The following MTHFD2L variants were observed in gnomAD, a reference collection of about 807,000 sequenced individuals.
MTHFD2L encodes the protein methylenetetrahydrofolate dehydrogenase (NADP+ dependent) 2 like.
A neutral mutation model predicts 34.9 loss-of-function variants in MTHFD2L; 29 were observed. The observed-to-expected ratio is 0.83, with a 90% CI of 0.62 to 1.13. The LOEUF is 1.13. Ranked by LOEUF, MTHFD2L falls within the 50% of genes most tolerant of loss-of-function variation. The pLI is 0.00. For synonymous variants in MTHFD2L, 167 were observed against 155.7 expected (o/e 1.07, Z -0.54); for missense variants, 481 against 446.5 (o/e 1.08, Z -0.70).
chr4:74,216,982 A>G (rs1171271873), intron 5 of MTHFD2L, among the ~76,000 whole-genome samples: 1 of 151,740 alleles, frequency 6.6e-6, no homozygotes, highest in Non-Finnish European at 1.5e-5. Flanking sequence ...ACAACATGAC[A>G]CCAGAATAAC....
At chr4:74,197,948 G>C (rs1245746273) in intron 3 of MTHFD2L, among the ~76,000 whole-genome samples, 1 of 152,078 alleles carries the variant, frequency 6.6e-6, no homozygotes, top group Non-Finnish European at 1.5e-5. Flanking sequence ...AATGATAAAT[G>C]AATTGGTTTT....
chr4:74,294,691 A>G (rs1480950077), intron 7 of MTHFD2L, among the ~76,000 whole-genome samples: 1 of 152,034 alleles, frequency 6.6e-6, no homozygotes, highest in Non-Finnish European at 1.5e-5. Flanking sequence ...CATCACCTCA[A>G]ATTTTAAATA....
intron 1 of MTHFD2L, among the ~76,000 whole-genome samples, chr4:74,137,167 G>A (rs1207068729): frequency 6.6e-6 from 1 of 152,092 alleles, no homozygotes; most frequent in African/African-American, 2.4e-5. Flanking sequence ...ACAATCAACA[G>A]AGTGAAGAAA....
chr4:74,121,333 T>C (rs1473022413), upstream of MTHFD2L, among the ~76,000 whole-genome samples: 1 of 151,972 alleles, frequency 6.6e-6, no homozygotes, highest in Non-Finnish European at 1.5e-5. Flanking sequence ...CATTCTGGAT[T>C]AAAGTCAAGG....
intron 3 of MTHFD2L, among the ~76,000 whole-genome samples, chr4:74,189,439 A>G (rs1213332319): frequency 6.7e-6 from 1 of 149,402 alleles, no homozygotes; most frequent in African/African-American, 2.5e-5. Context: ...CATGTAAAGT[A>G]TGTTAACCAC....
intron 1 of MTHFD2L, among the ~76,000 whole-genome samples, chr4:74,158,906 G>A (rs507061): frequency 0.96 from 146,365 of 152,250 alleles, 70,610 homozygotes; most frequent in East Asian, 1. Context: ...TCTATCTTAT[G>A]CTTTACCAGT....
chr4:74,236,305 CAAAT>C (rs1275193579), intron 6 of MTHFD2L, among the ~76,000 whole-genome samples: 2 of 152,270 alleles, frequency 1.3e-5, no homozygotes, highest in East Asian at 3.9e-4. Flanking sequence ...TTCTAAAACA[CAAAT>C]AAATTGTTTT....
intron 1 of MTHFD2L, among the ~76,000 whole-genome samples, chr4:74,151,783 T>G (rs911809453): frequency 6.6e-6 from 1 of 152,212 alleles, no homozygotes; most frequent in African/African-American, 2.4e-5. Flanking sequence ...AGCATCTTGG[T>G]CTTTCTATTA....
intron 1 of MTHFD2L, among the ~76,000 whole-genome samples, chr4:74,127,131 A>G (rs1425627156): frequency 6.6e-6 from 1 of 152,154 alleles, no homozygotes; most frequent in Non-Finnish European, 1.5e-5. Flanking sequence ...CTGTGAGTCA[A>G]TTATGCCTCT....
intron 6 of MTHFD2L, among the ~76,000 whole-genome samples, chr4:74,245,299 A>T (rs569714448): frequency 3.4e-3 from 515 of 151,046 alleles, no homozygotes; most frequent in Non-Finnish European, 5.5e-3. Flanking sequence ...CTTATTTTTT[A>T]AAAATTTTGG....
intron 3 of MTHFD2L, among the ~76,000 whole-genome samples, chr4:74,177,048 A>T (rs547284548): frequency 6.6e-6 from 1 of 152,100 alleles, no homozygotes; most frequent in South Asian, 2.1e-4. Context: ...TCATCAAGTT[A>T]ATAAGAATCT....
intron 6 of MTHFD2L, chr4:74,267,976 G>T: frequency 1.0e-6 from 1 of 985,198 alleles, no homozygotes; most frequent in South Asian, 4.7e-5. Context: ...AAGCTTTGGG[G>T]GCATTCAGAT....
At chr4:74,247,044 C>G (rs1451944913) in intron 6 of MTHFD2L, among the ~76,000 whole-genome samples, 2 of 148,060 alleles carry the variant, frequency 1.4e-5, no homozygotes, top group African/African-American at 5.0e-5. Context: ...ATGGGGATGG[C>G]ATTGAATCTA....
intron 5 of MTHFD2L, among the ~76,000 whole-genome samples, chr4:74,224,411 G>A (rs1441264521): frequency 6.6e-6 from 1 of 152,046 alleles, no homozygotes; most frequent in African/African-American, 2.4e-5. Context: ...TGTTTTTGGA[G>A]TCTGTAGAAA....
intron 5 of MTHFD2L, among the ~76,000 whole-genome samples, chr4:74,217,063 T>G (rs1578502174): frequency 6.6e-6 from 1 of 151,800 alleles, no homozygotes; most frequent in African/African-American, 2.4e-5. Context: ...CTAACTCACT[T>G]CCTACCATTC....
At chr4:74,191,777 T>C (rs2110023700) in intron 3 of MTHFD2L, among the ~76,000 whole-genome samples, 1 of 152,166 alleles carries the variant, frequency 6.6e-6, no homozygotes, top group South Asian at 2.1e-4. Flanking sequence ...CAGGCTGGTC[T>C]CAAACTCCTG....
At chr4:74,298,176 AG>A (rs1304874398) in intron 7 of MTHFD2L, among the ~76,000 whole-genome samples, 5 of 152,190 alleles carry the variant, frequency 3.3e-5, no homozygotes, top group Admixed American at 3.3e-4. Flanking sequence ...AAAACAAAAA[AG>A]ATTTAAGCAA....
intron 1 of MTHFD2L, among the ~76,000 whole-genome samples, chr4:74,162,796 G>A (rs979679644): frequency 6.6e-6 from 1 of 152,124 alleles, no homozygotes; most frequent in Admixed American, 6.5e-5. Flanking sequence ...AATACATGGT[G>A]AAGACAAGGC....
intron 7 of MTHFD2L, among the ~76,000 whole-genome samples, chr4:74,294,340 T>TA (rs1749365747): frequency 6.6e-6 from 1 of 152,028 alleles, no homozygotes; most frequent in African/African-American, 2.4e-5. Context: ...GCCAAGGAAT[T>TA]AGAGAGTATT....
Sources: allele counts gnomAD v4.1 joint callset (sites outside exome capture counted in the v4.1 genomes callset), GRCh38; gene constraint gnomAD v4.1.1; transcripts MANE v1.5; gene names NCBI Gene and HGNC (gene_info 2026-07-23, HGNC 2026-07-21).